The following ING5 variants were observed in gnomAD, a reference collection of about 807,000 sequenced individuals.
ING5 encodes the protein inhibitor of growth protein 5.
In ING5, 17 loss-of-function variants were observed where a neutral mutation model predicts 37.4. The ratio of observed to expected loss-of-function variants is 0.45; its 90% CI spans 0.31 to 0.68. The LOEUF (loss-of-function observed/expected upper bound fraction) is 0.68. Among genes scored for constraint, ING5 ranks in the 30% least tolerant of loss-of-function variants. ING5 has a pLI of 0.05. For synonymous variants in ING5, 123 were observed against 116.6 expected (o/e 1.06, Z -0.36); for missense variants, 233 against 311.9 (o/e 0.75, Z 1.91).
chr2:241,697,013 C>T (rs1378013569), intron 2 of ING5, among the ~76,000 whole-genome samples: 2 of 151,802 alleles, frequency 1.3e-5, no homozygotes, highest in Non-Finnish European at 2.9e-5. Flanking sequence ...ACCCAGGAGG[C>T]GGAGGTTGCA....
chr2:241,688,955 T>C (rs1383540111), intron 1 of ING5, among the ~76,000 whole-genome samples: 3 of 151,686 alleles, frequency 2.0e-5, no homozygotes, highest in South Asian at 4.2e-4. Flanking sequence ...CCCACCATCA[T>C]GCCCGGCTAA....
chr2:241,698,270 C>G (rs2069659641), upstream of ING5, among the ~76,000 whole-genome samples: 1 of 151,950 alleles, frequency 6.6e-6, no homozygotes, highest in South Asian at 2.1e-4. Flanking sequence ...CGGTGAAACC[C>G]CCGTCTCTAC....
rs1691664844 is a variant in ING5, at chr2:241,727,416, T to A, written c.*2385T>A. 1 of 152,142 alleles carries A rather than the reference T, an allele frequency of 6.6e-6. No individual in the cohort carries two copies. The highest frequency in any genetic ancestry group is 1.5e-5 in the Non-Finnish European group (1 of 68,048). 9.4% of individuals were successfully genotyped at this position (152,142 alleles called of 1,614,324 possible). A position where few individuals can be genotyped will look rare whatever the true frequency, so the allele number is the denominator to read the frequency against. On this transcript the variant is annotated 3_prime_UTR_variant, in exon 8 of 8. Transcript: ENST00000313552. ...GCAACCTCTGCTTCCTGGGTTCAAGTGATTCTCTTGCCTTAGCCTCCCGAG... is the reference window on the plus strand; with the variant it reads ...GCAACCTCTGCTTCCTGGGTTCAAGAGATTCTCTTGCCTTAGCCTCCCGAG...
At chr2:241,720,875 C>T (rs749816343) in intron 5 of ING5, 141 of 985,602 alleles carry the variant, frequency 1.4e-4, no homozygotes, top group Non-Finnish European at 1.6e-4. Context: ...CACGCCATGG[C>T]GCTCCCTCAG....
chr2:241,720,864 A>G, intron 5 of ING5: 1 of 985,744 alleles, frequency 1.0e-6, no homozygotes, highest in Non-Finnish European at 1.2e-6. Flanking sequence ...CTCCCTGGCC[A>G]CACGCCATGG....
intron 5 of ING5, chr2:241,722,113 C>T (rs1436118424): frequency 6.1e-6 from 6 of 985,196 alleles, no homozygotes; most frequent in African/African-American, 1.7e-5. Context: ...GTGGAGGGCC[C>T]GGGCGCAGGA....
upstream of ING5, among the ~76,000 whole-genome samples, chr2:241,701,884 C>T (rs867133543): frequency 5.3e-5 from 8 of 151,092 alleles, no homozygotes; most frequent in Admixed American, 2.6e-4. Flanking sequence ...GCTGCCACAA[C>T]CTCCGCCCGG....
rs768219357 is a variant in ING5, at chr2:241,721,940, A to G, written c.483-999A>G. On this transcript the variant is annotated intron_variant, in intron 5 of 7. Transcript: ENST00000313552. ...ACACCTGCCAGGCTGCTGTGTAGAAACCCACGTGGGAGCTGATGGGGATGA... is the reference window on the plus strand; with the variant it reads ...ACACCTGCCAGGCTGCTGTGTAGAAGCCCACGTGGGAGCTGATGGGGATGA... 148 of 985,456 alleles carry G rather than the reference A, an allele frequency of 1.5e-4. 2 individuals carry two copies. The highest frequency in any genetic ancestry group is 1.0e-3 in the Middle Eastern group (2 of 1,938). 61.0% of individuals were successfully genotyped at this position (985,456 alleles called of 1,614,324 possible). A position where few individuals can be genotyped will look rare whatever the true frequency, so the allele number is the denominator to read the frequency against.
At chr2:241,690,342 C>T (rs546514028) in exon 2 of ING5, 2 of 346,448 alleles carry the variant, frequency 5.8e-6, no homozygotes, top group Non-Finnish European at 1.0e-5. Context: ...TGGCTCACAG[C>T]ATTAAGATAT....
intron 5 of ING5, chr2:241,721,657 T>C (rs1417771513): frequency 1.0e-6 from 1 of 985,334 alleles, no homozygotes; most frequent in African/African-American, 1.7e-5. Flanking sequence ...CTGCTGTGTT[T>C]ACATACCAAC....
At position 241,723,321 on chromosome 2, in the gene ING5, C is replaced by T. The variant is rs184949351; in HGVS notation, c.680+50C>T. On this transcript the variant is annotated intron_variant, in intron 7 of 7. Transcript: ENST00000313552. ...TTTTCTCCCAGTCTGCTGGGTGTTG[C>T]GCTGCTGGCCTCCCCAGGAGAAGGT... The T allele has an allele frequency of 1.9e-4, 302 of 1,570,830 alleles. 1 individual carries two copies. The African/African-American group carries it at 3.5e-3, about 18-fold the overall frequency.
chr2:241,719,263 G>A (rs907299082), intron 5 of ING5, among the ~76,000 whole-genome samples: 6 of 152,232 alleles, frequency 3.9e-5, no homozygotes, highest in Admixed American at 3.3e-4. Context: ...TATAAATGTC[G>A]GTGGGGACGC....
intron 2 of ING5, chr2:241,690,777 C>T (rs984378408): frequency 1.8e-5 from 7 of 386,948 alleles, no homozygotes; most frequent in Admixed American, 4.5e-5. Flanking sequence ...CACATGGGTT[C>T]GTGGGTTCAT....
chr2:241,719,835 G>T, intron 5 of ING5: 2 of 1,403,744 alleles, frequency 1.4e-6, no homozygotes, highest in Non-Finnish European at 1.8e-6. Context: ...GCAATGCGGA[G>T]CCTGGGAGCT....
At chr2:241,724,046 T>C in intron 7 of ING5, 4 of 1,392,290 alleles carry the variant, frequency 2.9e-6, no homozygotes, top group Non-Finnish European at 3.7e-6. Flanking sequence ...CTGGCTTTGT[T>C]TGCCTGTGCT....
At chr2:241,701,417 A>G (rs1409630755), upstream of ING5, among the ~76,000 whole-genome samples, 1 of 152,114 alleles carries the variant, frequency 6.6e-6, no homozygotes, top group Non-Finnish European at 1.5e-5. Context: ...CAGTGCCCTC[A>G]CTGGTGCTGG....
Position 241,727,282 on chromosome 2 carries a change from G to T in ING5, c.*2251G>T, listed in dbSNP as rs991203559. Reference sequence around the variant, plus strand: ...ATGACTTAACTTTTTGTTAGCACAGGTTTTGTGTGTGTGTGTGTGTGTGTG... The same window carrying T: ...ATGACTTAACTTTTTGTTAGCACAGTTTTTGTGTGTGTGTGTGTGTGTGTG... On this transcript the variant is annotated 3_prime_UTR_variant, in exon 8 of 8. Coordinates refer to ENST00000313552, the MANE Select transcript of ING5 (RefSeq NM_032329.6). The T allele has an allele frequency of 5.3e-5, 8 of 150,698 alleles. No homozygotes were observed. Among genetic ancestry groups the T allele is most frequent in the African/African-American group, 2.0e-4 (8 of 40,274 alleles). 9.3% of individuals were successfully genotyped at this position (150,698 alleles called of 1,614,324 possible).
intron 2 of ING5, among the ~76,000 whole-genome samples, chr2:241,691,364 G>A (rs1205057634): frequency 6.6e-6 from 1 of 151,952 alleles, no homozygotes; most frequent in Non-Finnish European, 1.5e-5. Flanking sequence ...ACTTGAACCT[G>A]GGAGGTGGAG....
intron 5 of ING5, among the ~76,000 whole-genome samples, chr2:241,715,460 T>C (rs561696438): frequency 2.6e-4 from 39 of 148,726 alleles, no homozygotes; most frequent in African/African-American, 8.7e-4. Flanking sequence ...CCTCCCAAAG[T>C]GCTGGAATAG....
Sources: allele counts gnomAD v4.1 joint callset (sites outside exome capture counted in the v4.1 genomes callset), GRCh38; gene constraint gnomAD v4.1.1; transcripts MANE v1.5; gene names NCBI Gene and HGNC (gene_info 2026-07-23, HGNC 2026-07-21).